Variants in PHEX observed in about 807,000 individuals in gnomAD.
PHEX encodes phosphate regulating endopeptidase X-linked.
In PHEX, 16 loss-of-function variants were observed where a neutral mutation model predicts 68.0. That is an observed-to-expected ratio of 0.24 (90% CI 0.16 to 0.36). The LOEUF is 0.36. Ranked by LOEUF, PHEX falls within the 10% of genes least tolerant of loss-of-function variation. The pLI is 1.00. For synonymous variants in PHEX, 208 were observed against 205.1 expected (o/e 1.01, Z -0.12); for missense variants, 480 against 575.5 (o/e 0.83, Z 1.70).
intron 12 of PHEX, among the ~76,000 whole-genome samples, chrX:22,162,091 T>C (rs1232753017): frequency 8.9e-6 from 1 of 112,092 alleles, no homozygotes; most frequent in African/African-American, 3.2e-5. Flanking sequence ...CCTGTATCTT[T>C]GATCTTTTCT....
Position 22,174,717 on chromosome X carries a change from T to A in PHEX, c.1483-3556T>A, listed in dbSNP as rs182440088. The stretch of plus-strand genomic sequence containing the variant: ...AGTTTATTAATTTGTTTTTCTCTAT[T>A]TCTGTACTGCCGTAATTGATGTTTA... On this transcript the variant is annotated intron_variant, in intron 13 of 21. Coordinates refer to ENST00000379374, the MANE Select transcript of PHEX (RefSeq NM_000444.6). 1.8e-4 allele frequency among the ~76,000 whole-genome samples: 20 copies of A among 112,187 alleles called. No homozygotes were observed. In the Admixed American group the frequency reaches 1.8e-3, roughly 10 times the overall value.
At chrX:22,141,791 A>G (rs186760817) in intron 12 of PHEX, among the ~76,000 whole-genome samples, 1 of 112,508 alleles carries the variant, frequency 8.9e-6, no homozygotes, top group East Asian at 2.8e-4. Flanking sequence ...TCCATCATCT[A>G]AACATAACTG....
At chrX:22,089,794 C>T (rs1440981696) in intron 5 of PHEX, among the ~76,000 whole-genome samples, 1 of 112,121 alleles carries the variant, frequency 8.9e-6, no homozygotes, top group Non-Finnish European at 1.9e-5. Flanking sequence ...ATTTAGTTGT[C>T]TGGTTATTAT....
At chrX:22,145,615 C>CAA (rs568646535) in intron 12 of PHEX, among the ~76,000 whole-genome samples, 20 of 64,560 alleles carry the variant, frequency 3.1e-4, no homozygotes, top group South Asian at 1.4e-3. Flanking sequence ...GACTCTGTCT[C>CAA]AAAAAAAAAA....
chrX:22,155,207 C>T (rs1186397375), intron 12 of PHEX, among the ~76,000 whole-genome samples: 2 of 112,913 alleles, frequency 1.8e-5, no homozygotes, highest in Non-Finnish European at 3.7e-5. Context: ...CCATCGTGCC[C>T]AGCCCACACT....
intron 20 of PHEX, among the ~76,000 whole-genome samples, chrX:22,239,455 C>A (rs1936106084): frequency 9.0e-6 from 1 of 111,075 alleles, no homozygotes; most frequent in Admixed American, 9.6e-5. Context: ...GGTAAAGGAG[C>A]ATGTTCTAAC....
At chrX:22,170,495 G>T (rs986193222) in intron 13 of PHEX, among the ~76,000 whole-genome samples, 1 of 111,449 alleles carries the variant, frequency 9.0e-6, no homozygotes, top group African/African-American at 3.3e-5. Flanking sequence ...TCCCATATAG[G>T]ATTTCTGGGA....
At chrX:22,229,410 C>CCTGA (rs1318206374) in intron 20 of PHEX, among the ~76,000 whole-genome samples, 1 of 111,768 alleles carries the variant, frequency 8.9e-6, no homozygotes, top group East Asian at 2.8e-4. Flanking sequence ...TCTGTTGTTT[C>CCTGA]CTGACTTTTT....
chrX:22,230,078 C>T (rs1935660069), intron 20 of PHEX, among the ~76,000 whole-genome samples: 1 of 110,172 alleles, frequency 9.1e-6, no homozygotes, highest in African/African-American at 3.3e-5. Flanking sequence ...TTTCTGAGGG[C>T]TCTGTTCTGT....
rs745382329 is a variant in PHEX, at chrX:22,099,093, G to T, written c.1021G>T (p.Val341Phe). The stretch of plus-strand genomic sequence containing the variant: ...CATCAGCCCCTCCGAGAATGTGGTG[G>T]TCCGCGTCCCGCAGTACTTTAAAGA... Reference protein sequence around the residue: ...KDISPSENVVVRVPQYFKDLF... With the variant: ...KDISPSENVVFRVPQYFKDLF... Residue 341 changes from valine (V) to phenylalanine (F), a missense_variant, in exon 9 of 22, where the codon GTC becomes TTC. Physicochemically the swap from Val to Phe is conservative, Grantham distance 50. Transcript: ENST00000379374. 8.3e-7 allele frequency: 1 copy of T among 1,208,408 alleles called. No individual in the cohort carries two copies. Among genetic ancestry groups the T allele is most frequent in the Admixed American group, 2.2e-5 (1 of 45,965 alleles).
intron 13 of PHEX, chrX:22,171,174 G>A (rs1933511946): frequency 9.0e-6 from 1 of 111,323 alleles, no homozygotes; most frequent in Non-Finnish European, 1.9e-5. Context: ...CACACGGCTG[G>A]GGAGGCCTCA....
At chrX:22,132,242 G>T (rs1482188953) in intron 11 of PHEX, among the ~76,000 whole-genome samples, 1 of 111,117 alleles carries the variant, frequency 9.0e-6, no homozygotes, top group East Asian at 2.8e-4. Context: ...TAGGACTACA[G>T]GTGCAGGCGC....
intron 7 of PHEX, 145 bp downstream of exon 7, chrX:22,094,244 A>G: frequency 2.5e-6 from 1 of 407,350 alleles, no homozygotes. Flanking sequence ...GTCATTGCCC[A>G]TTGGGCCCAA....
rs1485018711 is a variant in PHEX, at chrX:22,047,131, G to A, written c.269G>A (p.Ser90Asn). ...CGGTTCGCTTGTGATGGCTGGATAAGCAATAATCCAATTCCCGAAGATATG... is the reference window on the plus strand; with the variant it reads ...CGGTTCGCTTGTGATGGCTGGATAAACAATAATCCAATTCCCGAAGATATG... The part of the protein sequence containing the change: ...FFRFACDGWI[S>N]NNPIPEDMPS... Residue 90 changes from serine (S) to asparagine (N), a missense_variant, in exon 3 of 22, where the codon AGC becomes AAC. Ser to Asn is a conservative substitution (Grantham distance 46). Coordinates refer to ENST00000379374, the MANE Select transcript of PHEX (RefSeq NM_000444.6). 3 of 1,202,758 alleles carry A rather than the reference G, an allele frequency of 2.5e-6. No individual in the cohort carries two copies. In the African/African-American group the frequency reaches 5.3e-5, roughly 21 times the overall value.
chrX:22,208,472 A>G (rs959831389), intron 15 of PHEX, among the ~76,000 whole-genome samples: 8 of 112,449 alleles, frequency 7.1e-5, no homozygotes, highest in African/African-American at 2.6e-4. Context: ...ACCATAATTA[A>G]TTGGCCTCTT....
Position 22,113,005 on chromosome X carries a change from TTGTGTGTGTG to T in PHEX, c.1174-1413_1174-1404del, listed in dbSNP as rs560422828. 3.3e-3 allele frequency among the ~76,000 whole-genome samples: 291 copies of T among 88,706 alleles called. 1 individual carries two copies. The highest frequency in any genetic ancestry group is 9.6e-3 in the African/African-American group (246 of 25,667). The allele number at this position is 88,706 out of a possible 115,157, so 77.0% of individuals were successfully genotyped here. On this transcript the variant is annotated intron_variant, in intron 10 of 21. Transcript: ENST00000379374. ...GGTTAAGATACAAAACAAGTAGGTT[TTGTGTGTGTG>T]TGTGTGTGTGTGTGTGTGTGTGTGT...
intron 3 of PHEX, among the ~76,000 whole-genome samples, chrX:22,052,071 A>G (rs1771139345): frequency 1.8e-5 from 2 of 111,649 alleles, no homozygotes; most frequent in Admixed American, 1.9e-4. Flanking sequence ...TTATCATTCT[A>G]TCCAGGTAAT....
Position 22,032,848 on chromosome X carries a change from A to G in PHEX, c.-158A>G. 1.9e-6 allele frequency: 1 copy of G among 515,920 alleles called. No individual in the cohort carries two copies. 42.5% of individuals were successfully genotyped at this position (515,920 alleles called of 1,213,427 possible). On this transcript the variant is annotated 5_prime_UTR_variant, in exon 1 of 22. Coordinates refer to ENST00000379374, the MANE Select transcript of PHEX (RefSeq NM_000444.6). ...ATTTTCATTTGTGAAGAATTATTTG[A>G]GAAAGGGTGGCGAGGGGAGATTTCC... is the stretch of plus-strand genomic sequence containing the variant.
chrX:22,072,711 T>C (rs911614894), intron 3 of PHEX, among the ~76,000 whole-genome samples: 6 of 112,020 alleles, frequency 5.4e-5, no homozygotes, highest in Non-Finnish European at 9.4e-5. Context: ...TATTTTACCA[T>C]AGAGGATGTT....
Sources: allele counts gnomAD v4.1 joint callset (sites outside exome capture counted in the v4.1 genomes callset), GRCh38; gene constraint gnomAD v4.1.1; transcripts MANE v1.5; gene names NCBI Gene and HGNC (gene_info 2026-07-23, HGNC 2026-07-21).